The following DSCAM variants were observed in gnomAD, a reference collection of about 807,000 sequenced individuals.
DSCAM encodes DS cell adhesion molecule.
DSCAM carries 47 observed loss-of-function variants against 217.7 expected under a neutral mutation model. The ratio of observed to expected loss-of-function variants is 0.22; its 90% CI spans 0.17 to 0.28. The LOEUF is 0.28. Among genes scored for constraint, DSCAM ranks in the 10% least tolerant of loss-of-function variants. The probability of loss-of-function intolerance (pLI) is 1.00; values close to 1 mark genes in which losing one functional copy is unlikely to be tolerated. For synonymous variants in DSCAM, 1,056 were observed against 1,015.3 expected (o/e 1.04, Z -0.76); for missense variants, 2,080 against 2,618.3 (o/e 0.79, Z 4.49).
intron 6 of DSCAM, among the ~76,000 whole-genome samples, chr21:40,342,626 G>GTGTGTGTGTATATATATATA (rs1491362590): frequency 1.1e-5 from 1 of 94,718 alleles, no homozygotes; most frequent in African/African-American, 5.0e-5. Flanking sequence ...GTGTGTGTGT[G>GTGTGTGTGTATATATATATA]TATATATATA....
intron 3 of DSCAM, among the ~76,000 whole-genome samples, chr21:40,481,190 A>G (rs1251986159): frequency 1.3e-5 from 2 of 152,292 alleles, no homozygotes; most frequent in Middle Eastern, 3.4e-3. Flanking sequence ...CACTTCCTGT[A>G]GAAAGACCAC....
intron 18 of DSCAM, among the ~76,000 whole-genome samples, chr21:40,141,999 C>G (rs1370734225): frequency 6.6e-6 from 1 of 151,158 alleles, no homozygotes; most frequent in Non-Finnish European, 1.5e-5. Context: ...CACACACACA[C>G]GATAAAGAAC....
intron 1 of DSCAM, among the ~76,000 whole-genome samples, chr21:40,793,579 C>G (rs1229923566): frequency 6.6e-6 from 1 of 151,314 alleles, no homozygotes. Flanking sequence ...AAGCCTCTGC[C>G]TCTTGGGTTC....
chr21:40,404,682 G>C (rs1415541761), intron 3 of DSCAM, among the ~76,000 whole-genome samples: 1 of 152,188 alleles, frequency 6.6e-6, no homozygotes, highest in Non-Finnish European at 1.5e-5. Flanking sequence ...CATAGGGCTT[G>C]TCATACACCA....
rs184066793 is a variant in DSCAM at position 40,539,665 on chromosome 21, G to A, written c.508+153145C>T. Among the ~76,000 whole-genome samples, 5 of 152,184 alleles carry A rather than the reference G, an allele frequency of 3.3e-5. No homozygotes were observed. In the East Asian group the frequency reaches 9.7e-4, roughly 29 times the overall value. ...TAATCAGGGACAGATCAAGAGCAAGGATGTTTTTTGTTGTTGGTCCTGTGT... is the reference window on the plus strand; with the variant it reads ...TAATCAGGGACAGATCAAGAGCAAGAATGTTTTTTGTTGTTGGTCCTGTGT... On this transcript the variant is annotated intron_variant, in intron 3 of 32. Coordinates refer to ENST00000400454, the MANE Select transcript of DSCAM (RefSeq NM_001389.5).
At chr21:40,672,140 C>T (rs973928118) in intron 3 of DSCAM, among the ~76,000 whole-genome samples, 3 of 152,042 alleles carry the variant, frequency 2.0e-5, no homozygotes, top group Admixed American at 6.6e-5. Context: ...TGCCCTGATG[C>T]CCTCATTTAA....
chr21:40,555,343 A>G (rs1303312301), intron 3 of DSCAM, among the ~76,000 whole-genome samples: 5 of 152,208 alleles, frequency 3.3e-5, no homozygotes, highest in African/African-American at 1.2e-4. Flanking sequence ...AAATGTTTTG[A>G]TAGTAACATC....
chr21:40,508,900 G>A (rs548867558), intron 3 of DSCAM, among the ~76,000 whole-genome samples: 2 of 146,056 alleles, frequency 1.4e-5, no homozygotes. Context: ...GCCTCCCAAA[G>A]TGCTGGGATT....
intron 11 of DSCAM, among the ~76,000 whole-genome samples, chr21:40,193,719 C>T (rs1407142805): frequency 6.6e-6 from 1 of 152,152 alleles, no homozygotes. Context: ...TCAGGATTTC[C>T]TATTTTGCAG....
At chr21:40,115,445 A>G (rs983598957) in intron 20 of DSCAM, among the ~76,000 whole-genome samples, 2 of 152,214 alleles carry the variant, frequency 1.3e-5, no homozygotes, top group African/African-American at 4.8e-5. Flanking sequence ...GAATAGCATT[A>G]GGAGATATAC....
chr21:40,514,341 G>A (rs1011274468), intron 3 of DSCAM, among the ~76,000 whole-genome samples: 7 of 152,142 alleles, frequency 4.6e-5, no homozygotes, highest in African/African-American at 9.7e-5. Flanking sequence ...AATGAACAAG[G>A]CCATCTTATT....
At chr21:40,067,687 C>T (rs912750711) in intron 27 of DSCAM, among the ~76,000 whole-genome samples, 5 of 150,256 alleles carry the variant, frequency 3.3e-5, no homozygotes, top group African/African-American at 4.9e-5. Context: ...TCATAAGCAT[C>T]CTGAGTTTCT....
intron 3 of DSCAM, among the ~76,000 whole-genome samples, chr21:40,540,897 G>T (rs2076538075): frequency 6.6e-6 from 1 of 151,868 alleles, no homozygotes; most frequent in South Asian, 2.1e-4. Context: ...TTTTGTTTGG[G>T]GTATTTTTTT....
intron 1 of DSCAM, among the ~76,000 whole-genome samples, chr21:40,785,293 T>G (rs2091582523): frequency 6.6e-6 from 1 of 152,142 alleles, no homozygotes. Flanking sequence ...AATAAGAAAA[T>G]ACTCCCTTGT....
intron 21 of DSCAM, 117 bp downstream of exon 21, chr21:40,093,604 T>A: frequency 8.0e-7 from 1 of 1,245,910 alleles, no homozygotes. Context: ...TGAGCTAAAA[T>A]GTGATATTCT....
chr21:40,353,690 T>C lies in DSCAM; in HGVS notation c.709A>G (p.Met237Val), dbSNP rs2074659753. 3 of 1,606,670 alleles carry C rather than the reference T, an allele frequency of 1.9e-6. No homozygotes were observed. The highest frequency in any genetic ancestry group is 3.5e-5 in the Admixed American group (2 of 57,514). Residue 237 changes from methionine (M) to valine (V), a missense_variant, in exon 5 of 33, where the codon ATG (methionine) becomes GTG (valine). By Grantham distance (21) the Met-to-Val change is conservative (BLOSUM62 1). Coordinates refer to ENST00000400454, the MANE Select transcript of DSCAM (RefSeq NM_001389.5). ...GGCAGCTCCACACGCTGCCCAGCCA[T>C]GGCTTTGCGATGGTCAAACCCATCC... Reference protein sequence around the residue: ...ILDGFDHRKAMAGQRVELPCK... With the variant: ...ILDGFDHRKAVAGQRVELPCK...
rs143732162 is a variant in DSCAM, at chr21:40,139,292, G to A, written c.3406+3266C>T. ...AGGAGGTCCTGACAACACGTGCCCA[G>A]GGTGGTCGGGGCACAGTTTGGTTTT... On this transcript the variant is annotated intron_variant, in intron 18 of 32. Coordinates refer to ENST00000400454, the MANE Select transcript of DSCAM (RefSeq NM_001389.5). 5.5e-3 allele frequency among the ~76,000 whole-genome samples: 831 copies of A among 152,068 alleles called. 4 individuals carry two copies. The highest frequency in any genetic ancestry group is 0.019 in the African/African-American group (795 of 41,432).
intron 11 of DSCAM, among the ~76,000 whole-genome samples, chr21:40,268,061 C>T (rs542715560): frequency 5.9e-4 from 90 of 152,328 alleles, no homozygotes; most frequent in Middle Eastern, 6.8e-3. Context: ...CAATTTCTCC[C>T]TTCAGCCTTT....
intron 9 of DSCAM, among the ~76,000 whole-genome samples, chr21:40,297,366 A>G (rs906443265): frequency 1.5e-4 from 23 of 152,236 alleles, no homozygotes; most frequent in Admixed American, 1.5e-3. Context: ...CTTTCCCAGC[A>G]GATCAGCGAT....
Sources: allele counts gnomAD v4.1 joint callset (sites outside exome capture counted in the v4.1 genomes callset), GRCh38; gene constraint gnomAD v4.1.1; transcripts MANE v1.5; gene names NCBI Gene and HGNC (gene_info 2026-07-23, HGNC 2026-07-21).